Variants in GMEB1 observed in about 807,000 individuals in gnomAD.
GMEB1 encodes the protein glucocorticoid modulatory element-binding protein 1.
A neutral mutation model predicts 52.4 loss-of-function variants in GMEB1; 6 were observed. That is an observed-to-expected ratio of 0.11 (90% confidence interval 0.06 to 0.23). GMEB1 has a LOEUF of 0.23. Among genes scored for constraint, GMEB1 ranks in the 10% least tolerant of loss-of-function variants. The pLI, the probability that GMEB1 is intolerant of heterozygous loss-of-function variation, is 1.00. For synonymous variants in GMEB1, 255 were observed against 244.9 expected, an observed-to-expected ratio of 1.04 and a Z score of -0.38; for missense variants, 486 against 685.6, an observed-to-expected ratio of 0.71 and a Z score of 3.25.
intron 4 of GMEB1, among the ~76,000 whole-genome samples, chr1:28,692,345 A>G (rs1329328820): frequency 6.6e-6 from 1 of 151,998 alleles, no homozygotes. Flanking sequence ...CAGCCTGGAC[A>G]ACATAGTGAA....
At chr1:28,669,112 G>T (rs921760618) in intron 1 of GMEB1, among the ~76,000 whole-genome samples, 10 of 149,724 alleles carry the variant, frequency 6.7e-5, no homozygotes, top group African/African-American at 2.4e-4. Flanking sequence ...GCGCCGCCGG[G>T]GCTCGGGCCC....
chr1:28,686,162 G>A (rs1049517326), intron 2 of GMEB1, among the ~76,000 whole-genome samples: 1 of 151,720 alleles, frequency 6.6e-6, no homozygotes. Context: ...GCAACATGGC[G>A]AGACCCTGTC....
At chr1:28,689,227 C>T (rs984592073) in intron 2 of GMEB1, among the ~76,000 whole-genome samples, 3 of 151,852 alleles carry the variant, frequency 2.0e-5, no homozygotes, top group Admixed American at 6.6e-5. Context: ...GGTTTCACCA[C>T]GTTGGCCAGG....
In GMEB1 at chr1:28,692,935, CT is replaced by C; in HGVS notation, c.337-3del. 1.3e-6 allele frequency: 2 copies of C among 1,553,336 alleles called. No individual in the cohort carries two copies. Among genetic ancestry groups the C allele is most frequent in the Non-Finnish European group, 1.8e-6 (2 of 1,137,310 alleles). On this transcript the variant is annotated splice_region_variant and splice_polypyrimidine_tract_variant and intron_variant, in intron 4 of 9. Coordinates refer to ENST00000373816, the MANE Select transcript of GMEB1 (RefSeq NM_001319674.2). ...TAGACTCTTTGGACTTTTCTTTTTA[CT>C]TTTAGTTCAATGATCAGTTGATCAG...
intron 1 of GMEB1, among the ~76,000 whole-genome samples, chr1:28,669,842 T>C (rs1668801337): frequency 6.6e-6 from 1 of 152,082 alleles, no homozygotes; most frequent in Admixed American, 6.6e-5. Context: ...GGCCAGGTGT[T>C]ATCTAATTGA....
In GMEB1 at chr1:28,718,785, A is replaced by C. The variant is rs997813435; in HGVS notation, c.*4012A>C. On this transcript the variant is annotated 3_prime_UTR_variant, in exon 10 of 10. Coordinates refer to ENST00000373816, the MANE Select transcript of GMEB1 (RefSeq NM_001319674.2). ...TCCTACTGCGTAAGTGCTGTGTGTG[A>C]TAGGGCTATTGGCTAGGAGCTGAGA... The C allele has an allele frequency of 6.6e-6, 1 of 152,170 alleles. No homozygotes were observed. Among genetic ancestry groups the C allele is most frequent in the Non-Finnish European group, 1.5e-5 (1 of 68,048 alleles). 9.4% of individuals were successfully genotyped at this position (152,170 alleles called of 1,614,324 possible).
At chr1:28,674,600 G>C (rs1029248669) in intron 1 of GMEB1, among the ~76,000 whole-genome samples, 2 of 150,558 alleles carry the variant, frequency 1.3e-5, no homozygotes, top group Non-Finnish European at 1.5e-5. Flanking sequence ...CTCCATGTTT[G>C]TCAGGCTGGT....
intron 7 of GMEB1, among the ~76,000 whole-genome samples, chr1:28,703,944 A>G (rs1285491919): frequency 6.6e-6 from 1 of 152,086 alleles, no homozygotes; most frequent in African/African-American, 2.4e-5. Context: ...AGTGAGAACT[A>G]TGACAAATTG....
At chr1:28,674,171 GA>G (rs1359329142) in intron 1 of GMEB1, among the ~76,000 whole-genome samples, 4 of 150,720 alleles carry the variant, frequency 2.7e-5, no homozygotes, top group East Asian at 2.0e-4. Context: ...AAAAGTTAAT[GA>G]AAAAAAGGAA....
rs757110740 is a variant in GMEB1 at position 28,718,749 on chromosome 1, A to G, written c.*3976A>G. ...ACAAGCAGCTCTCCTTTACTGAGGT[A>G]CTGAAACAGATCCTACTGCGTAAGT... is the stretch of plus-strand genomic sequence containing the variant. On this transcript the variant is annotated 3_prime_UTR_variant, in exon 10 of 10. Coordinates refer to ENST00000373816, the MANE Select transcript of GMEB1 (RefSeq NM_001319674.2). The G allele has an allele frequency of 6.6e-6, 1 of 152,180 alleles. No individual in the cohort carries two copies. The highest frequency in any genetic ancestry group is 1.5e-5 in the Non-Finnish European group (1 of 68,028). The allele number at this position is 152,180 out of a possible 1,614,324, so 9.4% of individuals were successfully genotyped here.
At chr1:28,669,286 T>C (rs776481079) in intron 1 of GMEB1, among the ~76,000 whole-genome samples, 2 of 151,788 alleles carry the variant, frequency 1.3e-5, no homozygotes, top group Non-Finnish European at 2.9e-5. Flanking sequence ...CCGGGGAGCC[T>C]GGGGTATCCC....
intron 6 of GMEB1, among the ~76,000 whole-genome samples, chr1:28,699,037 G>C (rs548313175): frequency 6.6e-6 from 1 of 152,284 alleles, no homozygotes; most frequent in African/African-American, 2.4e-5. Flanking sequence ...ACAAGAGGTA[G>C]ATTAGAATGA....
In GMEB1 at chr1:28,672,872, G is replaced by A. The variant is rs572236582; in HGVS notation, c.-31+4033G>A. 2.0e-4 allele frequency among the ~76,000 whole-genome samples: 29 copies of A among 148,362 alleles called. 2 individuals carry two copies. The South Asian group carries it at 5.5e-3, about 28-fold the overall frequency. ...CTCCTGCCTCAGCCTCCCGAGTACT[G>A]GGACTACAGGCACATGCCACCATGC... is the stretch of plus-strand genomic sequence containing the variant. On this transcript the variant is annotated intron_variant, in intron 1 of 9. Transcript: ENST00000373816.
chr1:28,696,242 T>G (rs1670202749), intron 5 of GMEB1, among the ~76,000 whole-genome samples: 1 of 151,874 alleles, frequency 6.6e-6, no homozygotes, highest in Non-Finnish European at 1.5e-5. Flanking sequence ...GATTTTTGTA[T>G]TTTTTATAGA....
intron 1 of GMEB1, among the ~76,000 whole-genome samples, chr1:28,671,528 G>T (rs1470441960): frequency 2.0e-5 from 3 of 152,062 alleles, no homozygotes; most frequent in African/African-American, 7.2e-5. Flanking sequence ...CCTCTCTTTA[G>T]CTCGAGTTCC....
Position 28,700,040 on chromosome 1 carries a change from G to A in GMEB1, c.599-2398G>A, listed in dbSNP as rs1475374692. On this transcript the variant is annotated intron_variant, in intron 6 of 9. Transcript: ENST00000373816. ...CTCTGCACTCCAACCTAGGTGACAG[G>A]AGCGAGAGACCCTGTCTCAAAAAAA... Among the ~76,000 whole-genome samples the A allele has an allele frequency of 1.2e-4, 17 of 144,690 alleles. No individual in the cohort carries two copies. In the Admixed American group the frequency reaches 1.2e-3, roughly 10 times the overall value. 94.9% of individuals were successfully genotyped at this position (144,690 alleles called of 152,430 possible).
intron 1 of GMEB1, among the ~76,000 whole-genome samples, chr1:28,669,043 G>T (rs1409796344): frequency 5.5e-5 from 8 of 145,722 alleles, no homozygotes; most frequent in Non-Finnish European, 1.1e-4. Context: ...GCGGGGGGGT[G>T]GGGGGACGCT....
At chr1:28,673,728 T>C (rs968259845) in intron 1 of GMEB1, among the ~76,000 whole-genome samples, 5 of 152,160 alleles carry the variant, frequency 3.3e-5, no homozygotes, top group African/African-American at 1.2e-4. Flanking sequence ...TGGAAATAAC[T>C]ACAGGCTGGG....
At chr1:28,670,153 TTTTATTTA>T (rs71027286) in intron 1 of GMEB1, among the ~76,000 whole-genome samples, 1 of 150,704 alleles carries the variant, frequency 6.6e-6, no homozygotes, top group African/African-American at 2.4e-5. Flanking sequence ...TGGGGACCCT[TTTTATTTA>T]TTTATTTATT....
Sources: gnomAD v4.1 joint callset for allele counts (sites outside exome capture counted in the v4.1 genomes callset) on GRCh38, gnomAD v4.1.1 for gene constraint, MANE v1.5 for transcripts, NCBI Gene and HGNC (gene_info 2026-07-23, HGNC 2026-07-21) for gene names.